CUX1: variants seen among roughly 807,000 people sequenced by gnomAD.
CUX1 encodes the protein cut like homeobox 1, also known as protein CASP.
CUX1 carries 31 observed loss-of-function variants against 158.8 expected under a neutral mutation model. That is an observed-to-expected ratio of 0.20 (90% confidence interval 0.15 to 0.26). CUX1 has a LOEUF of 0.26. Ranked by LOEUF, CUX1 falls within the 10% of genes least tolerant of loss-of-function variation. The pLI, the probability that CUX1 is intolerant of heterozygous loss-of-function variation, is 1.00. For missense variants in CUX1, 1,589 were observed against 2,014.6 expected (o/e 0.79, Z 4.04); for synonymous variants, 879 against 862.1 (o/e 1.02, Z -0.34).
rs181051437 is a variant in CUX1 at position 101,920,016 on chromosome 7, C to T, written c.141+3791C>T. Reference sequence around the variant, plus strand: ...GATCACAGCTCACTACAGCCTCCAACTCCTGGGCTCAAGTGATCCCTCCGT... The same window carrying T: ...GATCACAGCTCACTACAGCCTCCAATTCCTGGGCTCAAGTGATCCCTCCGT... On this transcript the variant is annotated intron_variant, in intron 2 of 23. Coordinates refer to ENST00000292535, the MANE Select transcript of CUX1 (RefSeq NM_181552.4). 3.3e-4 allele frequency among the ~76,000 whole-genome samples: 51 copies of T among 152,350 alleles called. No individual in the cohort carries two copies. The East Asian group carries it at 8.5e-3, about 25-fold the overall frequency.
intron 2 of CUX1, among the ~76,000 whole-genome samples, chr7:102,014,353 CA>C (rs1818360002): frequency 6.6e-6 from 1 of 152,210 alleles, no homozygotes; most frequent in Non-Finnish European, 1.5e-5. Context: ...CATTTTAAAA[CA>C]GCACACATCC....
intron 20 of CUX1, among the ~76,000 whole-genome samples, chr7:102,211,794 A>T (rs1384461867): frequency 6.6e-6 from 1 of 151,614 alleles, no homozygotes; most frequent in African/African-American, 2.4e-5. Flanking sequence ...AAAAAAAAAA[A>T]AAAAAAAAAC....
At chr7:101,889,637 T>A (rs1052916790) in intron 1 of CUX1, among the ~76,000 whole-genome samples, 1 of 152,022 alleles carries the variant, frequency 6.6e-6, no homozygotes, top group Non-Finnish European at 1.5e-5. Flanking sequence ...CTGGGCCTGG[T>A]GGTGAGCACC....
intron 2 of CUX1, among the ~76,000 whole-genome samples, chr7:101,967,523 C>A (rs930882572): frequency 1.3e-5 from 2 of 152,310 alleles, no homozygotes; most frequent in African/African-American, 2.4e-5. Context: ...AATGCAAATT[C>A]TTTCGCAAAT....
chr7:102,008,510 G>A (rs1817642082), intron 2 of CUX1, among the ~76,000 whole-genome samples: 2 of 152,154 alleles, frequency 1.3e-5, no homozygotes, highest in South Asian at 4.1e-4. Flanking sequence ...TTTCGGTCGT[G>A]TGCGTGTCTT....
At chr7:102,240,280 A>C (rs1258207271) in intron 23 of CUX1, among the ~76,000 whole-genome samples, 1 of 152,088 alleles carries the variant, frequency 6.6e-6, no homozygotes, top group East Asian at 1.9e-4. Flanking sequence ...ATATTTATTT[A>C]TTTTTAGAGA....
At chr7:102,205,869 G>C (rs1554520965) in intron 20 of CUX1, among the ~76,000 whole-genome samples, 1 of 152,068 alleles carries the variant, frequency 6.6e-6, no homozygotes, top group East Asian at 1.9e-4. Flanking sequence ...CGGCTCCCAG[G>C]CTCTCGTCTG....
At chr7:102,055,611 C>G (rs1255450287) in intron 3 of CUX1, among the ~76,000 whole-genome samples, 2 of 152,184 alleles carry the variant, frequency 1.3e-5, no homozygotes, top group African/African-American at 4.8e-5. Context: ...CTCCACCAAC[C>G]AGCTGTTTCC....
chr7:102,027,572 C>T (rs1440829069), intron 2 of CUX1, among the ~76,000 whole-genome samples: 1 of 151,960 alleles, frequency 6.6e-6, no homozygotes, highest in Non-Finnish European at 1.5e-5. Context: ...AATAAAACAT[C>T]GTTGTAGGCC....
intron 8 of CUX1, among the ~76,000 whole-genome samples, chr7:102,135,089 G>C (rs1282132140): frequency 2.6e-5 from 4 of 151,552 alleles, no homozygotes; most frequent in Non-Finnish European, 5.9e-5. Flanking sequence ...GTGTATAGTT[G>C]ACCCTTGAAC....
chr7:101,828,863 TG>T (rs1216237404), intron 1 of CUX1, among the ~76,000 whole-genome samples: 1 of 138,816 alleles, frequency 7.2e-6, no homozygotes, highest in Non-Finnish European at 1.5e-5. Flanking sequence ...GGGTGGCTGA[TG>T]GGGGGTGGGC....
At chr7:101,868,202 G>T (rs1225505005) in intron 1 of CUX1, among the ~76,000 whole-genome samples, 1 of 152,148 alleles carries the variant, frequency 6.6e-6, no homozygotes, top group Non-Finnish European at 1.5e-5. Flanking sequence ...CTGTGTTGAG[G>T]AATCCAGAGT....
chr7:101,915,203 G>A (rs1248388435), intron 1 of CUX1, among the ~76,000 whole-genome samples: 1 of 152,150 alleles, frequency 6.6e-6, no homozygotes, highest in Admixed American at 6.5e-5. Context: ...GTCCTTGGGC[G>A]CCTGCTGTCA....
At chr7:101,995,483 C>T (rs965443137) in intron 2 of CUX1, among the ~76,000 whole-genome samples, 1 of 152,238 alleles carries the variant, frequency 6.6e-6, no homozygotes, top group Admixed American at 6.5e-5. Context: ...CAATGACCTT[C>T]ATCAAATGTC....
chr7:102,081,836 A>AGCTGATC (rs1827450514), intron 4 of CUX1, among the ~76,000 whole-genome samples: 1 of 146,076 alleles, frequency 6.8e-6, no homozygotes, highest in South Asian at 2.2e-4. Flanking sequence ...GTGTTGGCCA[A>AGCTGATC]GCTGATCTCG....
intron 1 of CUX1, among the ~76,000 whole-genome samples, chr7:101,894,377 G>A (rs1012437048): frequency 1.2e-4 from 18 of 152,194 alleles, no homozygotes; most frequent in African/African-American, 3.9e-4. Context: ...GCAGCGGCAC[G>A]ATCTCGGCTC....
chr7:101,899,978 T>C (rs1415558258), intron 1 of CUX1, among the ~76,000 whole-genome samples: 2 of 152,196 alleles, frequency 1.3e-5, no homozygotes, highest in East Asian at 1.9e-4. Context: ...AGTGCGAGTT[T>C]AGGTGGTTAG....
intron 2 of CUX1, among the ~76,000 whole-genome samples, chr7:101,999,356 G>T (rs946600576): frequency 6.6e-6 from 1 of 151,248 alleles, no homozygotes; most frequent in Non-Finnish European, 1.5e-5. Context: ...GCGCCTGGCC[G>T]ATTTTTATCT....
chr7:101,935,791 C>G (rs954194365), intron 2 of CUX1, among the ~76,000 whole-genome samples: 1 of 152,292 alleles, frequency 6.6e-6, no homozygotes, highest in African/African-American at 2.4e-5. Flanking sequence ...GAAGCTTGGA[C>G]TTCACTCTGT....
Sources: allele counts gnomAD v4.1 joint callset (sites outside exome capture counted in the v4.1 genomes callset), GRCh38; gene constraint gnomAD v4.1.1; transcripts MANE v1.5; gene names NCBI Gene and HGNC (gene_info 2026-07-23, HGNC 2026-07-21).